Variants in OSBPL8 observed in about 807,000 individuals in gnomAD.
The protein encoded by OSBPL8 is oxysterol-binding protein-related protein 8.
Under a neutral mutation model 125.5 loss-of-function variants are expected in OSBPL8, and 59 were observed. The observed-to-expected ratio is 0.47, with a 90% CI of 0.38 to 0.58. OSBPL8 has a LOEUF of 0.58. OSBPL8 is among the 20% of genes least tolerant of loss of function. The pLI is 0.00. For synonymous variants in OSBPL8, 330 were observed against 338.9 expected (o/e 0.97, Z 0.29); for missense variants, 758 against 1,047.8 (o/e 0.72, Z 3.82).
intron 1 of OSBPL8, among the ~76,000 whole-genome samples, chr12:76,532,965 T>C (rs1565977198): frequency 6.6e-6 from 1 of 152,200 alleles, no homozygotes; most frequent in African/African-American, 2.4e-5. Context: ...TCATTTAAGT[T>C]ACCCAAACCT....
intron 3 of OSBPL8, among the ~76,000 whole-genome samples, chr12:76,452,244 G>A (rs565123253): frequency 1.3e-4 from 20 of 152,038 alleles, no homozygotes; most frequent in Admixed American, 7.2e-4. Flanking sequence ...TTTCTGTTGC[G>A]ATAGTTTTCA....
At chr12:76,387,676 A>G (rs1466122521) in intron 12 of OSBPL8, among the ~76,000 whole-genome samples, 1 of 152,168 alleles carries the variant, frequency 6.6e-6, no homozygotes, top group Non-Finnish European at 1.5e-5. Flanking sequence ...TGACAGTCCA[A>G]TGTGGTGATT....
rs1266353430 is a variant in OSBPL8, at chr12:76,401,806, A to G, written c.366+883T>C. ...TATAAATAATTAAGAAACCATAACT[A>G]TAAAATTAATTTATCCAAAATATGA... is the stretch of plus-strand genomic sequence containing the variant. On this transcript the variant is annotated intron_variant, in intron 6 of 23. Transcript: ENST00000261183. Among the ~76,000 whole-genome samples the G allele has an allele frequency of 6.6e-5, 10 of 152,326 alleles. No homozygotes were observed. The East Asian group carries it at 1.9e-3, about 29-fold the overall frequency.
intron 21 of OSBPL8, among the ~76,000 whole-genome samples, chr12:76,361,581 G>A (rs1284642141): frequency 6.6e-6 from 1 of 152,176 alleles, no homozygotes; most frequent in Non-Finnish European, 1.5e-5. Flanking sequence ...TTACGCTGCT[G>A]ATAAAGACAT....
intron 1 of OSBPL8, among the ~76,000 whole-genome samples, chr12:76,522,983 G>A (rs1201795412): frequency 6.6e-6 from 1 of 152,038 alleles, no homozygotes; most frequent in Non-Finnish European, 1.5e-5. Flanking sequence ...GACTACAGGC[G>A]CATACCACCA....
Position 76,531,746 on chromosome 12 carries a change from C to T in OSBPL8, c.-68+27651G>A, listed in dbSNP as rs77703479. The stretch of plus-strand genomic sequence containing the variant: ...ATTAAGTACTGCGCACTAAAAAAAA[C>T]TGACCAAAAGGCCGGGTGCGGTGGC... On this transcript the variant is annotated intron_variant, in intron 1 of 23. Coordinates refer to ENST00000261183, the MANE Select transcript of OSBPL8 (RefSeq NM_020841.5). 3.9e-5 allele frequency among the ~76,000 whole-genome samples: 6 copies of T among 152,154 alleles called. No homozygotes were observed. The East Asian group carries it at 1.2e-3, about 29-fold the overall frequency.
At chr12:76,453,066 G>C (rs571134535) in intron 3 of OSBPL8, among the ~76,000 whole-genome samples, 1 of 151,442 alleles carries the variant, frequency 6.6e-6, no homozygotes, top group Non-Finnish European at 1.5e-5. Flanking sequence ...TACCTTACAT[G>C]ATTTTCATTG....
At chr12:76,506,875 CA>C (rs1880470748) in intron 1 of OSBPL8, among the ~76,000 whole-genome samples, 1 of 152,126 alleles carries the variant, frequency 6.6e-6, no homozygotes, top group Non-Finnish European at 1.5e-5. Context: ...AAAGCTAAAA[CA>C]GTAATTAAAA....
chr12:76,379,369 A>G (rs982638758), intron 15 of OSBPL8, among the ~76,000 whole-genome samples: 13 of 152,186 alleles, frequency 8.5e-5, no homozygotes, highest in Admixed American at 2.0e-4. Flanking sequence ...CTCTCCTTCT[A>G]TTCTCAGCTT....
rs77262896 is a variant in OSBPL8 at position 76,368,886 on chromosome 12, C to T, written c.2328+328G>A. ...TGGAACTAGGGACTTACACTGGCAA[C>T]GCAGGGGCTCTTCAAGACTGCTACT... On this transcript the variant is annotated intron_variant, in intron 21 of 23. Coordinates refer to ENST00000261183, the MANE Select transcript of OSBPL8 (RefSeq NM_020841.5). Among the ~76,000 whole-genome samples the T allele has an allele frequency of 3.1e-3, 465 of 152,186 alleles. 3 individuals are homozygous for T. Among genetic ancestry groups the T allele is most frequent in the African/African-American group, 0.01 (431 of 41,524 alleles).
chr12:76,556,469 A>AACAT (rs1555244868), intron 1 of OSBPL8, among the ~76,000 whole-genome samples: 2 of 151,420 alleles, frequency 1.3e-5, no homozygotes, highest in African/African-American at 4.9e-5. Flanking sequence ...GGTGGGAAGA[A>AACAT]AGATCTAAAA....
chr12:76,463,726 G>A (rs1006374040), intron 2 of OSBPL8, among the ~76,000 whole-genome samples: 7 of 152,286 alleles, frequency 4.6e-5, no homozygotes, highest in African/African-American at 1.7e-4. Context: ...AAAAGGATAT[G>A]GATACAAAAG....
chr12:76,445,859 C>CA (rs1240066287), intron 4 of OSBPL8, among the ~76,000 whole-genome samples: 3 of 152,042 alleles, frequency 2.0e-5, no homozygotes, highest in Middle Eastern at 3.2e-3. Flanking sequence ...TACTACCCCC[C>CA]AAAAAATATA....
intron 1 of OSBPL8, among the ~76,000 whole-genome samples, chr12:76,534,895 T>C (rs976986138): frequency 1.3e-5 from 2 of 151,838 alleles, no homozygotes; most frequent in Non-Finnish European, 2.9e-5. Flanking sequence ...GGAAACCCAC[T>C]GGGAAAAAGA....
intron 13 of OSBPL8, 43 bp downstream of exon 13, chr12:76,386,536 C>A: frequency 6.7e-7 from 1 of 1,493,164 alleles, no homozygotes; most frequent in South Asian, 1.3e-5. Context: ...ATAAAGAATT[C>A]ATAAAACACT....
At chr12:76,400,367 T>C (rs1272416778) in intron 6 of OSBPL8, among the ~76,000 whole-genome samples, 1 of 152,250 alleles carries the variant, frequency 6.6e-6, no homozygotes, top group Non-Finnish European at 1.5e-5. Flanking sequence ...TAGTATTCCA[T>C]GGTGTACCAC....
In OSBPL8 at chr12:76,532,310, TTATC is replaced by T. The variant is rs568190898; in HGVS notation, c.-68+27083_-68+27086del. 5.3e-4 allele frequency among the ~76,000 whole-genome samples: 80 copies of T among 152,240 alleles called. No homozygotes were observed. In the South Asian group the frequency reaches 0.015, roughly 29 times the overall value. On this transcript the variant is annotated intron_variant, in intron 1 of 23. Coordinates refer to ENST00000261183, the MANE Select transcript of OSBPL8 (RefSeq NM_020841.5). Reference sequence around the variant, plus strand: ...CATAGTGAAAAAAAATCACTATAAATTATCTATTTTAAGCAAAACTATTTGATGT... The same window carrying T: ...CATAGTGAAAAAAAATCACTATAAATTATTTTAAGCAAAACTATTTGATGT...
At position 76,436,078 on chromosome 12, in the gene OSBPL8, T is replaced by C. The variant is rs368301218; in HGVS notation, c.217+14773A>G. ...ATGAAAACCAAGCTATGAGAGAATA[T>C]TGAGAGAATATTGCTTATTCTAGAA... is the stretch of plus-strand genomic sequence containing the variant. On this transcript the variant is annotated intron_variant, in intron 4 of 23. Coordinates refer to ENST00000261183, the MANE Select transcript of OSBPL8 (RefSeq NM_020841.5). Among the ~76,000 whole-genome samples the C allele has an allele frequency of 1.6e-4, 24 of 149,122 alleles. No homozygotes were observed. In the South Asian group the frequency reaches 4.6e-3, roughly 28 times the overall value.
At chr12:76,474,962 A>C (rs892441435) in intron 2 of OSBPL8, among the ~76,000 whole-genome samples, 6 of 152,124 alleles carry the variant, frequency 3.9e-5, no homozygotes, top group Non-Finnish European at 8.8e-5. Flanking sequence ...AAAACCTACT[A>C]AGCTGAGGTA....
Sources: allele counts gnomAD v4.1 joint callset (sites outside exome capture counted in the v4.1 genomes callset), GRCh38; gene constraint gnomAD v4.1.1; transcripts MANE v1.5; gene names NCBI Gene and HGNC (gene_info 2026-07-23, HGNC 2026-07-21).